MAGI2: variants seen among roughly 807,000 people sequenced by gnomAD.
MAGI2 encodes membrane associated guanylate kinase, WW and PDZ domain containing 2.
A neutral mutation model predicts 133.3 loss-of-function variants in MAGI2; 35 were observed. The observed-to-expected ratio is 0.26, with a 90% CI of 0.20 to 0.35. The LOEUF is 0.35. Among genes scored for constraint, MAGI2 ranks in the 10% least tolerant of loss-of-function variants. MAGI2 has a pLI of 1.00. For missense variants in MAGI2, 1,636 were observed against 1,863.4 expected (o/e 0.88, Z 2.25); for synonymous variants, 729 against 710.6 (o/e 1.03, Z -0.41).
At chr7:78,577,614 G>C (rs1476306943) in intron 3 of MAGI2, among the ~76,000 whole-genome samples, 1 of 150,230 alleles carries the variant, frequency 6.7e-6, no homozygotes, top group African/African-American at 2.5e-5. Flanking sequence ...TGTTTTATAG[G>C]ATTTGGGTAG....
At chr7:78,412,879 T>TTTATAAA (rs1797988829) in intron 6 of MAGI2, among the ~76,000 whole-genome samples, 1 of 152,102 alleles carries the variant, frequency 6.6e-6, no homozygotes, top group Non-Finnish European at 1.5e-5. Context: ...GATTTATAAA[T>TTTATAAA]TTCCAATTTT....
intron 6 of MAGI2, among the ~76,000 whole-genome samples, chr7:78,445,576 G>T (rs999601604): frequency 2.0e-5 from 3 of 152,008 alleles, no homozygotes; most frequent in Non-Finnish European, 4.4e-5. Flanking sequence ...ATTATTCTAT[G>T]GTCCAATATT....
chr7:78,584,851 G>C (rs1803236928), intron 3 of MAGI2, among the ~76,000 whole-genome samples: 1 of 152,136 alleles, frequency 6.6e-6, no homozygotes, highest in Non-Finnish European at 1.5e-5. Context: ...CTGTTTAATG[G>C]CAAGTTACTT....
intron 2 of MAGI2, among the ~76,000 whole-genome samples, chr7:78,765,880 C>T (rs1350057050): frequency 6.6e-6 from 1 of 151,922 alleles, no homozygotes; most frequent in Non-Finnish European, 1.5e-5. Flanking sequence ...ATAGAGAGAG[C>T]CAATTAAATG....
At chr7:78,818,400 T>A (rs1789794774) in intron 2 of MAGI2, among the ~76,000 whole-genome samples, 2 of 152,216 alleles carry the variant, frequency 1.3e-5, no homozygotes, top group South Asian at 4.1e-4. Context: ...TTCTTATTTC[T>A]GAGTATGAAC....
intron 1 of MAGI2, among the ~76,000 whole-genome samples, chr7:79,418,869 GCACACACACA>G (rs879433243): frequency 6.5e-5 from 3 of 46,416 alleles, no homozygotes; most frequent in Middle Eastern, 0.014. Flanking sequence ...ACACACACAC[GCACACACACA>G]CACACACATT....
intron 3 of MAGI2, among the ~76,000 whole-genome samples, chr7:78,557,973 C>T (rs1020522650): frequency 7.7e-5 from 5 of 64,680 alleles, no homozygotes; most frequent in African/African-American, 2.2e-4. Context: ...TTTATTGGAA[C>T]TCTTTTTTTT....
chr7:79,332,656 T>G (rs939065206), intron 1 of MAGI2, among the ~76,000 whole-genome samples: 18 of 152,234 alleles, frequency 1.2e-4, no homozygotes, highest in African/African-American at 3.9e-4. Context: ...AATCACTATT[T>G]ATGCAGGTAT....
intron 2 of MAGI2, among the ~76,000 whole-genome samples, chr7:78,808,831 T>C (rs1168269164): frequency 6.6e-6 from 1 of 152,072 alleles, no homozygotes; most frequent in East Asian, 1.9e-4. Context: ...ACTGTGGAGG[T>C]AGCTCACCCA....
At position 78,330,599 on chromosome 7, in the gene MAGI2, C is replaced by T. The variant is rs1789073708; in HGVS notation, c.1408+13179G>A. Among the ~76,000 whole-genome samples, 2 of 25,406 alleles carry T rather than the reference C, an allele frequency of 7.9e-5. 1 individual carries two copies. The highest frequency in any genetic ancestry group is 1.5e-4 in the Non-Finnish European group (2 of 13,206). The allele number at this position is 25,406 out of a possible 152,430, so 16.7% of individuals were successfully genotyped here. On this transcript the variant is annotated intron_variant, in intron 9 of 21. Coordinates refer to ENST00000354212, the MANE Select transcript of MAGI2 (RefSeq NM_012301.4). ...CGCCACTGCACTCCAGCCTGGGCGA[C>T]AGCGAGACTCCGTCTCAAAAAAAAA...
chr7:78,304,203 C>T (rs1320103753), intron 9 of MAGI2, among the ~76,000 whole-genome samples: 2 of 152,156 alleles, frequency 1.3e-5, no homozygotes, highest in Non-Finnish European at 2.9e-5. Context: ...TTCTGTTCTC[C>T]TGCAGTGCAT....
intron 9 of MAGI2, among the ~76,000 whole-genome samples, chr7:78,331,085 C>T (rs1388703412): frequency 6.6e-6 from 1 of 152,174 alleles, no homozygotes; most frequent in Non-Finnish European, 1.5e-5. Context: ...CTGGAGGCCA[C>T]TGTCCTAAGT....
intron 1 of MAGI2, among the ~76,000 whole-genome samples, chr7:79,450,082 T>TA (rs1184499562): frequency 6.6e-6 from 1 of 151,928 alleles, no homozygotes; most frequent in African/African-American, 2.4e-5. Context: ...CTTTTCTTTA[T>TA]AAAATCTTCC....
At chr7:78,902,605 A>G (rs1009085133) in intron 2 of MAGI2, 5 of 152,216 alleles carry the variant, frequency 3.3e-5, no homozygotes, top group Non-Finnish European at 5.9e-5. Flanking sequence ...TCATATCCAC[A>G]TGAGAAACTG....
At chr7:78,092,093 T>C (rs1177052801) in intron 20 of MAGI2, among the ~76,000 whole-genome samples, 1 of 152,190 alleles carries the variant, frequency 6.6e-6, no homozygotes, top group African/African-American at 2.4e-5. Flanking sequence ...TTCAGATCAG[T>C]GGGATCACCA....
intron 1 of MAGI2, among the ~76,000 whole-genome samples, chr7:79,104,855 G>A (rs181251062): frequency 1.8e-4 from 28 of 152,258 alleles, no homozygotes; most frequent in Non-Finnish European, 2.9e-4. Flanking sequence ...CAGTGACACT[G>A]CTGGGTGTCT....
chr7:79,182,159 CA>C (rs878997955), intron 1 of MAGI2, among the ~76,000 whole-genome samples: 1 of 151,986 alleles, frequency 6.6e-6, no homozygotes. Context: ...GGTTTCTTTT[CA>C]GCAGTACCCC....
At chr7:78,314,453 G>T (rs1395665330) in intron 9 of MAGI2, among the ~76,000 whole-genome samples, 2 of 152,108 alleles carry the variant, frequency 1.3e-5, no homozygotes, top group Non-Finnish European at 2.9e-5. Flanking sequence ...AGAGGGCATG[G>T]AAAAAGATGA....
chr7:78,867,353 T>C (rs2151513517), intron 2 of MAGI2, among the ~76,000 whole-genome samples: 1 of 149,862 alleles, frequency 6.7e-6, no homozygotes, highest in East Asian at 2.0e-4. Context: ...TGGAATACTA[T>C]GCAGCCATAA....
Sources: gnomAD v4.1 joint callset for allele counts (sites outside exome capture counted in the v4.1 genomes callset) on GRCh38, gnomAD v4.1.1 for gene constraint, MANE v1.5 for transcripts, NCBI Gene and HGNC (gene_info 2026-07-23, HGNC 2026-07-21) for gene names.